LHPP: variants seen among roughly 807,000 people sequenced by gnomAD.
LHPP encodes phospholysine phosphohistidine inorganic pyrophosphate phosphatase.
Under a neutral mutation model 30.3 loss-of-function variants are expected in LHPP, and 24 were observed. The ratio of observed to expected loss-of-function variants is 0.79; its 90% CI spans 0.57 to 1.11. The LOEUF (loss-of-function observed/expected upper bound fraction) is 1.11, where lower values mean the gene tolerates loss of function less well. Among genes scored for constraint, LHPP ranks in the 50% most tolerant of loss-of-function variants. The pLI, the probability that LHPP is intolerant of heterozygous loss-of-function variation, is 0.00. For synonymous variants in LHPP, 150 were observed against 157.1 expected, an observed-to-expected ratio of 0.95 and a Z score of 0.34; for missense variants, 356 against 367.2, an observed-to-expected ratio of 0.97 and a Z score of 0.25.
Position 124,590,135 on chromosome 10 carries a change from A to G in LHPP, c.717-23129A>G, listed in dbSNP as rs10430738. 0.65 allele frequency among the ~76,000 whole-genome samples: 98,940 copies of G among 151,978 alleles called. 32,480 individuals are homozygous for G. Among genetic ancestry groups the G allele is most frequent in the African/African-American group, 0.69 (28,576 of 41,434 alleles). ...ACAGCTCATTCGATTCGTTCATGTG[A>G]CGTCCTCCCTCTCCCAATCCCTGTC... On this transcript the variant is annotated intron_variant, in intron 6 of 6. Transcript: ENST00000368842. This position sits in a 1 kb window ranked among gnomAD's most constrained non-coding sequence, Gnocchi z 4.3.
chr10:124,489,012 G>A (rs371763100), intron 3 of LHPP, among the ~76,000 whole-genome samples: 2 of 152,286 alleles, frequency 1.3e-5, no homozygotes, highest in Middle Eastern at 3.4e-3. Flanking sequence ...TCTGGGCACC[G>A]ACAGTCTCTG....
At chr10:124,567,494 G>A (rs893327987) in intron 6 of LHPP, among the ~76,000 whole-genome samples, 7 of 152,244 alleles carry the variant, frequency 4.6e-5, no homozygotes, top group African/African-American at 1.4e-4. Context: ...CTGGCCGCCC[G>A]GCTCATAGCA....
intron 6 of LHPP, among the ~76,000 whole-genome samples, chr10:124,595,693 C>T (rs1948933621): frequency 6.6e-6 from 1 of 151,938 alleles, no homozygotes; most frequent in Non-Finnish European, 1.5e-5. Context: ...TCCCTTCTTC[C>T]TTACTGTGGT....
chr10:124,531,084 C>T (rs1431045413), intron 6 of LHPP, among the ~76,000 whole-genome samples: 1 of 152,202 alleles, frequency 6.6e-6, no homozygotes, highest in Non-Finnish European at 1.5e-5. Flanking sequence ...AGCCTTTATG[C>T]ATGCTGTCTG....
intron 6 of LHPP, among the ~76,000 whole-genome samples, chr10:124,530,883 C>T (rs979356255): frequency 3.5e-4 from 52 of 149,648 alleles, no homozygotes; most frequent in African/African-American, 1.1e-3. Flanking sequence ...GCAGGCAGAG[C>T]GGCCAAGGTA....
chr10:124,488,812 T>TGGAGTCTA (rs1303083125), intron 3 of LHPP, among the ~76,000 whole-genome samples: 1 of 152,152 alleles, frequency 6.6e-6, no homozygotes, highest in Non-Finnish European at 1.5e-5. Context: ...AGCTTCCATG[T>TGGAGTCTA]GGAGTCTAGA....
chr10:124,490,938 C>T (rs1053775976), intron 3 of LHPP, among the ~76,000 whole-genome samples: 1 of 150,220 alleles, frequency 6.7e-6, no homozygotes, highest in Admixed American at 6.7e-5. Context: ...CAGGGTTCTG[C>T]ACAACCTAGA....
At chr10:124,555,386 G>A (rs1948279868) in intron 6 of LHPP, among the ~76,000 whole-genome samples, 1 of 152,170 alleles carries the variant, frequency 6.6e-6, no homozygotes, top group Admixed American at 6.5e-5. Context: ...AGGAAGGGAG[G>A]AAGGGAGGGT....
intron 2 of LHPP, among the ~76,000 whole-genome samples, chr10:124,485,271 T>C (rs890255893): frequency 6.6e-6 from 1 of 152,004 alleles, no homozygotes; most frequent in African/African-American, 2.4e-5. Flanking sequence ...GAAAGAAGAT[T>C]TAAGAAAAAT....
At chr10:124,567,318 A>T (rs1439252730) in intron 6 of LHPP, among the ~76,000 whole-genome samples, 1 of 152,228 alleles carries the variant, frequency 6.6e-6, no homozygotes, top group African/African-American at 2.4e-5. Context: ...AGAAGACACA[A>T]CCAGGGAGCG....
chr10:124,463,575 C>T (rs1952467140), intron 1 of LHPP, among the ~76,000 whole-genome samples: 1 of 152,018 alleles, frequency 6.6e-6, no homozygotes, highest in African/African-American at 2.4e-5. Flanking sequence ...ACTGGCTAGG[C>T]TGGTCTCGAA....
At chr10:124,463,820 CT>C (rs35122241) in intron 1 of LHPP, among the ~76,000 whole-genome samples, 4,508 of 120,610 alleles carry the variant, frequency 0.037, 84 homozygotes, top group Middle Eastern at 0.07. Context: ...ATTTTTTTTT[CT>C]TTTTTTTTTT....
intron 6 of LHPP, among the ~76,000 whole-genome samples, chr10:124,609,311 C>T (rs750427264): frequency 3.9e-5 from 6 of 152,306 alleles, no homozygotes; most frequent in East Asian, 3.9e-4. Flanking sequence ...GGTGTGATCA[C>T]GGCTCACCAC....
chr10:124,498,872 G>T (rs1465108515), intron 5 of LHPP: 1 of 194,576 alleles, frequency 5.1e-6, no homozygotes, highest in South Asian at 4.8e-5. Flanking sequence ...ATGCCACCAC[G>T]CCTGGCAAAC....
intron 2 of LHPP, among the ~76,000 whole-genome samples, chr10:124,484,972 C>T (rs1485979255): frequency 1.3e-5 from 2 of 152,158 alleles, no homozygotes; most frequent in Non-Finnish European, 1.5e-5. Context: ...GAGACATTAG[C>T]AATTCCAGAC....
chr10:124,491,260 C>T lies in LHPP; in HGVS notation c.467+2685C>T, dbSNP rs541395488. Among the ~76,000 whole-genome samples the T allele has an allele frequency of 1.8e-4, 28 of 152,326 alleles. No individual in the cohort carries two copies. The South Asian group carries it at 5.0e-3, about 27-fold the overall frequency. The stretch of plus-strand genomic sequence containing the variant: ...CTCATGAAGTGTGGGAATTCCGAGG[C>T]GGTGGCGGAGGAAGTGTTTTCCATC... On this transcript the variant is annotated intron_variant, in intron 3 of 6. Coordinates refer to ENST00000368842, the MANE Select transcript of LHPP (RefSeq NM_022126.4).
intron 6 of LHPP, among the ~76,000 whole-genome samples, chr10:124,526,751 A>C (rs1194204709): frequency 6.6e-6 from 1 of 152,186 alleles, no homozygotes; most frequent in Admixed American, 6.5e-5. Flanking sequence ...AGCCTGGCGG[A>C]GATGTGACAG....
chr10:124,605,766 G>A (rs552131365), intron 6 of LHPP, among the ~76,000 whole-genome samples: 7 of 152,198 alleles, frequency 4.6e-5, no homozygotes, highest in East Asian at 1.9e-4. Flanking sequence ...CAGGGGAGGC[G>A]GGAGCAGCTG....
At chr10:124,603,998 C>G (rs1305641058) in intron 6 of LHPP, among the ~76,000 whole-genome samples, 1 of 152,232 alleles carries the variant, frequency 6.6e-6, no homozygotes, top group Admixed American at 6.5e-5. Context: ...CAGGCAGGGA[C>G]CAGGTCAGAG....
Sources: allele counts gnomAD v4.1 joint callset (sites outside exome capture counted in the v4.1 genomes callset), GRCh38; gene constraint gnomAD v4.1.1; non-coding constraint Gnocchi (gnomAD v3.1); transcripts MANE v1.5; gene names NCBI Gene and HGNC (gene_info 2026-07-23, HGNC 2026-07-21).